Variants in TTC21B observed in about 807,000 individuals in gnomAD.
The protein encoded by TTC21B is tetratricopeptide repeat domain 21B, also known as tetratricopeptide repeat protein 21B.
TTC21B carries 127 observed loss-of-function variants against 175.1 expected under a neutral mutation model. The observed-to-expected ratio is 0.73, with a 90% CI of 0.63 to 0.84. TTC21B has a LOEUF of 0.84. TTC21B is among the 40% of genes least tolerant of loss of function. The pLI, the probability that TTC21B is intolerant of heterozygous loss-of-function variation, is 0.00. For synonymous variants in TTC21B, 524 were observed against 524.5 expected, an observed-to-expected ratio of 1.00 and a Z score of 0.01; for missense variants, 1,561 against 1,558.3, an observed-to-expected ratio of 1.00 and a Z score of -0.03.
chr2:165,946,912 T>A (rs750051499), intron 3 of TTC21B, among the ~76,000 whole-genome samples: 2 of 151,962 alleles, frequency 1.3e-5, no homozygotes, highest in African/African-American at 4.8e-5. Flanking sequence ...TATACTAATA[T>A]TTTTTAATAA....
intron 14 of TTC21B, among the ~76,000 whole-genome samples, chr2:165,915,796 AAC>A (rs1686147869): frequency 6.6e-6 from 1 of 152,190 alleles, no homozygotes; most frequent in Non-Finnish European, 1.5e-5. Flanking sequence ...CCTCCACCAG[AAC>A]ACTGTTGTTA....
At chr2:165,931,028 G>A (rs987665192) in intron 8 of TTC21B, among the ~76,000 whole-genome samples, 1 of 151,988 alleles carries the variant, frequency 6.6e-6, no homozygotes, top group Non-Finnish European at 1.5e-5. Context: ...GAAATAATGT[G>A]TCTAGCACTA....
chr2:165,908,195 C>T (rs1316278102), intron 18 of TTC21B, among the ~76,000 whole-genome samples: 1 of 152,092 alleles, frequency 6.6e-6, no homozygotes, highest in Non-Finnish European at 1.5e-5. Context: ...CAATAAAGTA[C>T]AGTTGTTAAG....
In TTC21B at chr2:165,899,772, T is replaced by C. The variant is rs746138925; in HGVS notation, c.2866A>G (p.Met956Val). ...GTACTGAAGTTCCTTGGACTGACCATGGTAGCAGCTTCGTTATCCTGGTCA... is the reference window on the plus strand; with the variant it reads ...GTACTGAAGTTCCTTGGACTGACCACGGTAGCAGCTTCGTTATCCTGGTCA... The part of the protein sequence containing the change: ...QSDQDNEAAT[M>V]MMADLMFRKQ... Residue 956 changes from methionine to valine, a missense_variant and splice_region_variant, in exon 21 of 29, where the codon ATG becomes GTG. Transcript: ENST00000243344. 2.1e-5 allele frequency: 34 copies of C among 1,604,844 alleles called. No homozygotes were observed. In the East Asian group the frequency reaches 6.7e-4, roughly 32 times the overall value.
intron 21 of TTC21B, among the ~76,000 whole-genome samples, chr2:165,899,370 A>G (rs1685477237): frequency 1.3e-5 from 2 of 152,198 alleles, no homozygotes. Context: ...ACTGTCTTAG[A>G]CTGATAATAT....
In TTC21B at chr2:165,924,669, G is replaced by A. The variant is rs956461172; in HGVS notation, c.1396C>T (p.Pro466Ser). 2.5e-6 allele frequency: 4 copies of A among 1,613,422 alleles called. No individual in the cohort carries two copies. In the South Asian group the frequency reaches 4.4e-5, roughly 18 times the overall value. ...LSFCPMQPAS[P>S]GQPLCPLLRR... is the part of the protein sequence containing the mutation. ...AGAAGTGGACAAAGAGGTTGCCCAGGACTTGCAGGCTAAACAAAACAAATC... is the reference window on the plus strand; with the variant it reads ...AGAAGTGGACAAAGAGGTTGCCCAGAACTTGCAGGCTAAACAAAACAAATC... Residue 466 changes from proline to serine, a missense_variant, in exon 12 of 29, where the codon CCT (proline) becomes TCT (serine). Physicochemically the swap from Pro to Ser is moderately conservative, Grantham distance 74 (BLOSUM62 -1). Coordinates refer to ENST00000243344, the MANE Select transcript of TTC21B (RefSeq NM_024753.5).
At chr2:165,888,687 G>T (rs1685090039) in intron 24 of TTC21B, among the ~76,000 whole-genome samples, 1 of 152,038 alleles carries the variant, frequency 6.6e-6, no homozygotes, top group Non-Finnish European at 1.5e-5. Context: ...AATTAATATG[G>T]ACTCAATAAA....
At position 165,896,184 on chromosome 2, in the gene TTC21B, AAC is replaced by A. The variant is rs1375008230; in HGVS notation, c.2950+2500_2950+2501del. On this transcript the variant is annotated intron_variant, in intron 22 of 28. Transcript: ENST00000243344. ...AGGTGGTGGGGTTTAGAAGAACTGA[AAC>A]ACAGCTCTAGGACTTCCTCTGCCAT... Among the ~76,000 whole-genome samples, 41 of 152,258 alleles carry A rather than the reference AAC, an allele frequency of 2.7e-4. No individual in the cohort carries two copies. In the East Asian group the frequency reaches 7.7e-3, roughly 29 times the overall value.
intron 19 of TTC21B, among the ~76,000 whole-genome samples, chr2:165,904,971 T>C (rs1267011686): frequency 6.6e-6 from 1 of 151,942 alleles, no homozygotes; most frequent in Admixed American, 6.6e-5. Context: ...AGCTGCAAAA[T>C]CAACACATAA....
Position 165,901,839 on chromosome 2 carries a change from T to C in TTC21B, c.2640A>G (p.Lys880=). The change falls in exon 20 of 29, where the codon AAA becomes AAG. Residue 880 remains lysine (K), a synonymous_variant. Coordinates refer to ENST00000243344, the MANE Select transcript of TTC21B (RefSeq NM_024753.5). ...MEQPDAVPAQ[K]HLAAEICAEI... ...CTGCACAAATTTCAGCTGCTAAATG[T>C]TTCTGTGCAGGAACTGCATCTGGCT... The C allele has an allele frequency of 6.2e-7, 1 of 1,614,118 alleles. No homozygotes were observed. The highest frequency in any genetic ancestry group is 8.5e-7 in the Non-Finnish European group (1 of 1,179,986).
chr2:165,944,452 T>G (rs904382102), intron 4 of TTC21B, among the ~76,000 whole-genome samples: 2 of 152,184 alleles, frequency 1.3e-5, no homozygotes, highest in African/African-American at 4.8e-5. Flanking sequence ...TTTAAAAATT[T>G]TGAACTTTGT....
Position 165,896,880 on chromosome 2 carries a change from T to A in TTC21B, c.2950+1806A>T, listed in dbSNP as rs571991104. On this transcript the variant is annotated intron_variant, in intron 22 of 28. Coordinates refer to ENST00000243344, the MANE Select transcript of TTC21B (RefSeq NM_024753.5). ...GCCACGGAGGTGATACTACTAAGGG[T>A]TTTTTTGTTTGTTTGTTTGTTTTGT... 5.3e-5 allele frequency among the ~76,000 whole-genome samples: 8 copies of A among 152,278 alleles called. No homozygotes were observed. In the South Asian group the frequency reaches 1.7e-3, roughly 32 times the overall value.
At chr2:165,883,634 C>T (rs370757552) in intron 26 of TTC21B, among the ~76,000 whole-genome samples, 160 bp downstream of exon 26, 7 of 152,080 alleles carry the variant, frequency 4.6e-5, no homozygotes, top group African/African-American at 1.4e-4. Flanking sequence ...TGGCTTTTTT[C>T]TTATTATTAA....
chr2:165,919,016 T>C (rs1230881325), intron 13 of TTC21B, among the ~76,000 whole-genome samples: 1 of 152,196 alleles, frequency 6.6e-6, no homozygotes, highest in Admixed American at 6.5e-5. Context: ...AAATGAGTTT[T>C]ACAGAAAAGA....
At chr2:165,886,635 AAC>A (rs1685004878) in intron 25 of TTC21B, among the ~76,000 whole-genome samples, 2 of 152,226 alleles carry the variant, frequency 1.3e-5, no homozygotes, top group African/African-American at 2.4e-5. Flanking sequence ...TAAAAAAAAT[AAC>A]ACAGTCTTAT....
chr2:165,907,388 A>G (rs546255278), intron 19 of TTC21B, among the ~76,000 whole-genome samples: 12 of 152,302 alleles, frequency 7.9e-5, no homozygotes, highest in Admixed American at 5.2e-4. Flanking sequence ...GGAGGAAGAA[A>G]GCACTAAGTT....
intron 1 of TTC21B, among the ~76,000 whole-genome samples, chr2:165,952,022 T>C (rs1019155194): frequency 2.0e-5 from 3 of 152,170 alleles, no homozygotes; most frequent in Non-Finnish European, 4.4e-5. Context: ...TTCCTTTTCA[T>C]GATTCTTGAG....
chr2:165,945,715 TA>T (rs1559076470), intron 3 of TTC21B, 25 bp from the exon 4 acceptor site: 1 of 1,606,178 alleles, frequency 6.2e-7, no homozygotes. Context: ...TGATATTAAA[TA>T]AAAATTAAAT....
chr2:165,940,905 G>T, intron 6 of TTC21B, 122 bp downstream of exon 6: 1 of 1,008,176 alleles, frequency 9.9e-7, no homozygotes, highest in Non-Finnish European at 1.5e-6. Flanking sequence ...TATTTCCTCG[G>T]TTCCACACTG....
Sources: gnomAD v4.1 joint callset for allele counts (sites outside exome capture counted in the v4.1 genomes callset) on GRCh38, gnomAD v4.1.1 for gene constraint, MANE v1.5 for transcripts, NCBI Gene and HGNC (gene_info 2026-07-23, HGNC 2026-07-21) for gene names.